Variants in HTR4 observed in about 807,000 individuals in gnomAD.
The protein encoded by HTR4 is 5-hydroxytryptamine (serotonin) receptor 4, G protein-coupled.
A neutral mutation model predicts 36.8 loss-of-function variants in HTR4; 16 were observed. That is an observed-to-expected ratio of 0.43 (90% CI 0.29 to 0.66). HTR4 has a LOEUF of 0.66. HTR4 is among the 30% of genes least tolerant of loss of function. The probability of loss-of-function intolerance (pLI) is 0.13; values close to 1 mark genes in which losing one functional copy is unlikely to be tolerated. For synonymous variants in HTR4, 189 were observed against 185.1 expected, an observed-to-expected ratio of 1.02 and a Z score of -0.17; for missense variants, 438 against 490.9, an observed-to-expected ratio of 0.89 and a Z score of 1.02.
chr5:148,598,080 C>T (rs905214624), intron 2 of HTR4, among the ~76,000 whole-genome samples: 5 of 152,010 alleles, frequency 3.3e-5, no homozygotes, highest in Non-Finnish European at 7.4e-5. Flanking sequence ...ACTTAAGTAG[C>T]CATCAGTGAA....
At chr5:148,496,319 A>T (rs1756683390) in intron 6 of HTR4, among the ~76,000 whole-genome samples, 1 of 152,134 alleles carries the variant, frequency 6.6e-6, no homozygotes, top group Non-Finnish European at 1.5e-5. Flanking sequence ...TGTTTTTACT[A>T]AGCTGCCAGA....
At chr5:148,593,089 C>T (rs1021325873) in intron 2 of HTR4, among the ~76,000 whole-genome samples, 28 of 152,180 alleles carry the variant, frequency 1.8e-4, no homozygotes, top group African/African-American at 6.5e-4. Context: ...ATCTGAAGTA[C>T]TTATAGTTAA....
chr5:148,557,274 TG>T (rs1759989299), intron 2 of HTR4, among the ~76,000 whole-genome samples: 1 of 151,660 alleles, frequency 6.6e-6, no homozygotes, highest in African/African-American at 2.4e-5. Context: ...TGGAGAGAAG[TG>T]GGTGGAATAA....
intron 6 of HTR4, among the ~76,000 whole-genome samples, chr5:148,491,498 C>T (rs964136371): frequency 1.2e-4 from 18 of 152,044 alleles, no homozygotes; most frequent in African/African-American, 4.1e-4. Flanking sequence ...TTCTTAACCT[C>T]GGCACTATCT....
intron 2 of HTR4, among the ~76,000 whole-genome samples, chr5:148,600,927 A>T (rs947532033): frequency 2.1e-5 from 3 of 145,244 alleles, no homozygotes; most frequent in Non-Finnish European, 4.6e-5. Flanking sequence ...CACATATTTG[A>T]TAAACGGTTA....
chr5:148,586,454 C>G (rs1189718518), intron 2 of HTR4, among the ~76,000 whole-genome samples: 1 of 151,820 alleles, frequency 6.6e-6, no homozygotes, highest in East Asian at 1.9e-4. Flanking sequence ...GTATATTAGT[C>G]CATTTTCACA....
intron 6 of HTR4, among the ~76,000 whole-genome samples, chr5:148,484,606 G>C (rs1756063010): frequency 6.6e-6 from 1 of 152,132 alleles, no homozygotes; most frequent in South Asian, 2.1e-4. Context: ...ACACATCTTG[G>C]CTCAGAGAGA....
chr5:148,493,643 TA>T (rs1385966250), intron 6 of HTR4, among the ~76,000 whole-genome samples: 7 of 151,772 alleles, frequency 4.6e-5, no homozygotes, highest in Non-Finnish European at 8.8e-5. Flanking sequence ...AATTAGCAAG[TA>T]AAAAAACACC....
Position 148,562,272 on chromosome 5 carries a change from A to G in HTR4, c.27-12010T>C, listed in dbSNP as rs561076940. ...AACTTTACTCCCTTTATGACCCTTT[A>G]TGAAAAAGTGTCATGACCCCTGCTC... On this transcript the variant is annotated intron_variant, in intron 2 of 6. Coordinates refer to ENST00000377888, the MANE Select transcript of HTR4 (RefSeq NM_000870.7). Among the ~76,000 whole-genome samples, 4 of 152,222 alleles carry G rather than the reference A, an allele frequency of 2.6e-5. No individual in the cohort carries two copies. In the South Asian group the frequency reaches 8.3e-4, roughly 32 times the overall value.
chr5:148,494,335 C>G (rs1482836152), intron 6 of HTR4, among the ~76,000 whole-genome samples: 1 of 152,062 alleles, frequency 6.6e-6, no homozygotes, highest in Non-Finnish European at 1.5e-5. Flanking sequence ...GCTGGACAGA[C>G]AGATAATAAA....
At chr5:148,575,076 G>C (rs937115134) in intron 2 of HTR4, among the ~76,000 whole-genome samples, 6 of 151,994 alleles carry the variant, frequency 3.9e-5, no homozygotes, top group Non-Finnish European at 8.8e-5. Context: ...GTTGAGAAGG[G>C]CTTCTGGGTA....
At chr5:148,456,963 G>A (rs935548448) in intron 5 of HTR4, among the ~76,000 whole-genome samples, 4 of 152,146 alleles carry the variant, frequency 2.6e-5, no homozygotes, top group Non-Finnish European at 4.4e-5. Context: ...CTCAGTAACT[G>A]AACAAACGTT....
intron 2 of HTR4, chr5:148,628,340 T>C (rs528775477): frequency 1.3e-5 from 2 of 152,338 alleles, no homozygotes; most frequent in East Asian, 3.9e-4. Context: ...GGTTACTTCA[T>C]ATGTAATGCT....
At chr5:148,523,493 G>A (rs1194234927) in intron 4 of HTR4, 147 bp from the exon 5 acceptor site, 2 of 513,204 alleles carry the variant, frequency 3.9e-6, no homozygotes, top group East Asian at 3.4e-5. Flanking sequence ...AGAGTCGGAG[G>A]GGAAGCAGAG....
At chr5:148,638,769 T>C (rs544220407) in intron 1 of HTR4, among the ~76,000 whole-genome samples, 1 of 152,252 alleles carries the variant, frequency 6.6e-6, no homozygotes, top group South Asian at 2.1e-4. Flanking sequence ...TGAAAATGAT[T>C]CCTGGCCGGG....
intron 1 of HTR4, among the ~76,000 whole-genome samples, chr5:148,649,462 C>T (rs1362353290): frequency 6.6e-6 from 1 of 152,156 alleles, no homozygotes; most frequent in Non-Finnish European, 1.5e-5. Context: ...GAAATACAAA[C>T]TCGATGGACA....
intron 1 of HTR4, among the ~76,000 whole-genome samples, chr5:148,643,189 G>C (rs1753780116): frequency 6.6e-6 from 1 of 150,656 alleles, no homozygotes; most frequent in Non-Finnish European, 1.5e-5. Flanking sequence ...TTTTTTAAAA[G>C]TAAATACACT....
Position 148,572,289 on chromosome 5 carries a change from C to T in HTR4, c.27-22027G>A, listed in dbSNP as rs570731835. Among the ~76,000 whole-genome samples, 6 of 152,068 alleles carry T rather than the reference C, an allele frequency of 3.9e-5. No individual in the cohort carries two copies. In the South Asian group the frequency reaches 6.2e-4, roughly 16 times the overall value. ...TTTTTATGCATTGGCTGATTTTTAT[C>T]GTCACAACAGCCTATGGTTATAGAT... On this transcript the variant is annotated intron_variant, in intron 2 of 6. Transcript: ENST00000377888.
intron 2 of HTR4, among the ~76,000 whole-genome samples, chr5:148,569,925 T>C (rs1042914044): frequency 1.1e-4 from 17 of 152,054 alleles, no homozygotes; most frequent in African/African-American, 4.1e-4. Flanking sequence ...CTACATGAAT[T>C]TGTATGCTTA....
Sources: allele counts gnomAD v4.1 joint callset (sites outside exome capture counted in the v4.1 genomes callset), GRCh38; gene constraint gnomAD v4.1.1; transcripts MANE v1.5; gene names NCBI Gene and HGNC (gene_info 2026-07-23, HGNC 2026-07-21).